B3GALT1: variants seen among roughly 807,000 people sequenced by gnomAD.
The protein encoded by B3GALT1 is beta-1,3-galactosyltransferase 1.
A neutral mutation model predicts 23.2 loss-of-function variants in B3GALT1; 10 were observed. The observed-to-expected ratio is 0.43, with a 90% CI of 0.27 to 0.73. The LOEUF (loss-of-function observed/expected upper bound fraction) is 0.73, where lower values mean the gene tolerates loss of function less well. Among genes scored for constraint, B3GALT1 ranks in the 30% least tolerant of loss-of-function variants. The pLI is 0.21. For synonymous variants in B3GALT1, 156 were observed against 141.5 expected (o/e 1.10, Z -0.73); for missense variants, 299 against 405.4 (o/e 0.74, Z 2.25).
At chr2:167,659,936 C>T (rs746438317) in intron 3 of B3GALT1, among the ~76,000 whole-genome samples, 4 of 151,968 alleles carry the variant, frequency 2.6e-5, no homozygotes, top group African/African-American at 4.8e-5. Flanking sequence ...AGAACTGATT[C>T]GTATTCAATT....
intron 1 of B3GALT1, among the ~76,000 whole-genome samples, chr2:167,343,032 C>T (rs186911031): frequency 1.0e-3 from 158 of 152,304 alleles, no homozygotes; most frequent in African/African-American, 3.5e-3. Context: ...TTGTCCTGCC[C>T]ACTGAATTGA....
intron 2 of B3GALT1, among the ~76,000 whole-genome samples, chr2:167,582,909 A>G (rs1684513986): frequency 6.6e-6 from 1 of 152,172 alleles, no homozygotes; most frequent in Admixed American, 6.5e-5. Context: ...AAGGCAGCCC[A>G]AGACCTCACA....
intron 2 of B3GALT1, among the ~76,000 whole-genome samples, chr2:167,528,935 ACTC>A (rs1683271172): frequency 6.6e-6 from 1 of 150,544 alleles, no homozygotes. Context: ...TAATAGTAAA[ACTC>A]CTCTAGAGCT....
In B3GALT1 at chr2:167,870,268, G is replaced by C. The variant is rs756659945; in HGVS notation, c.*248G>C. ...AGAGCATTGCTATTTATCTCAAAAA[G>C]TGACTTCCAAACAACTCTTAGGATT... is the stretch of plus-strand genomic sequence containing the variant. On this transcript the variant is annotated 3_prime_UTR_variant, in exon 5 of 5. Coordinates refer to ENST00000392690, the MANE Select transcript of B3GALT1 (RefSeq NM_020981.4). The C allele has an allele frequency of 1.4e-5, 5 of 370,188 alleles. No individual in the cohort carries two copies. The highest frequency in any genetic ancestry group is 4.2e-5 in the Admixed American group (1 of 23,878). 22.9% of individuals were successfully genotyped at this position (370,188 alleles called of 1,614,324 possible).
At chr2:167,424,550 T>G (rs1353639081) in intron 1 of B3GALT1, among the ~76,000 whole-genome samples, 1 of 151,472 alleles carries the variant, frequency 6.6e-6, no homozygotes, top group East Asian at 1.9e-4. Flanking sequence ...TCTACATTAG[T>G]GTGTGTGTGT....
At chr2:167,321,174 A>G (rs1424399196) in intron 1 of B3GALT1, among the ~76,000 whole-genome samples, 3 of 152,032 alleles carry the variant, frequency 2.0e-5, no homozygotes, top group Admixed American at 6.6e-5. Flanking sequence ...ATCTATTAAT[A>G]TTTATTATAC....
At chr2:167,669,860 A>G (rs994996082) in intron 3 of B3GALT1, among the ~76,000 whole-genome samples, 4 of 152,048 alleles carry the variant, frequency 2.6e-5, no homozygotes, top group African/African-American at 9.7e-5. Flanking sequence ...CCAATTTCTC[A>G]CCCCACCCAG....
intron 2 of B3GALT1, among the ~76,000 whole-genome samples, chr2:167,560,939 C>G (rs1271596606): frequency 6.6e-6 from 1 of 151,820 alleles, no homozygotes; most frequent in Non-Finnish European, 1.5e-5. Context: ...TTGAACTCAG[C>G]TCTGCACCAA....
rs146564912 is a variant in B3GALT1, at chr2:167,789,596, C to A, written c.-351-29076C>A. 1.7e-3 allele frequency among the ~76,000 whole-genome samples: 255 copies of A among 151,178 alleles called. 2 individuals are homozygous for A. The highest frequency in any genetic ancestry group is 6.0e-3 in the African/African-American group (245 of 40,794). Reference sequence around the variant, plus strand: ...TATTATTGAAAGGATGTTGCCACAGCAAACTGCTGTGTTCATTATTGAGGT... The same window carrying A: ...TATTATTGAAAGGATGTTGCCACAGAAAACTGCTGTGTTCATTATTGAGGT... On this transcript the variant is annotated intron_variant, in intron 3 of 4. Coordinates refer to ENST00000392690, the MANE Select transcript of B3GALT1 (RefSeq NM_020981.4).
intron 3 of B3GALT1, among the ~76,000 whole-genome samples, chr2:167,677,190 G>C (rs762403960): frequency 7.2e-5 from 11 of 152,136 alleles, no homozygotes; most frequent in Non-Finnish European, 1.5e-4. Context: ...AGTGTATTCA[G>C]AATTTTTGTG....
intron 1 of B3GALT1, among the ~76,000 whole-genome samples, chr2:167,480,620 C>T (rs1406127775): frequency 2.0e-5 from 3 of 152,128 alleles, no homozygotes; most frequent in African/African-American, 4.8e-5. Context: ...AACAAACAAA[C>T]GAAACCACCA....
At chr2:167,773,146 A>G (rs977001380) in intron 3 of B3GALT1, among the ~76,000 whole-genome samples, 1 of 152,222 alleles carries the variant, frequency 6.6e-6, no homozygotes, top group Admixed American at 6.5e-5. Flanking sequence ...TTGAGAATTT[A>G]TTAATCTACT....
chr2:167,843,524 G>A (rs568569586), intron 4 of B3GALT1, among the ~76,000 whole-genome samples: 23 of 152,292 alleles, frequency 1.5e-4, no homozygotes, highest in African/African-American at 5.1e-4. Context: ...AATAACTGCC[G>A]CTATGGTGCT....
intron 3 of B3GALT1, among the ~76,000 whole-genome samples, chr2:167,804,897 G>A (rs1260971862): frequency 8.5e-5 from 13 of 152,108 alleles, no homozygotes; most frequent in African/African-American, 9.7e-5. Context: ...CTGAGGAATC[G>A]CCACACTGAC....
intron 3 of B3GALT1, among the ~76,000 whole-genome samples, chr2:167,774,970 G>A (rs1381921280): frequency 6.6e-6 from 1 of 152,168 alleles, no homozygotes; most frequent in East Asian, 1.9e-4. Context: ...AAATGGTAAT[G>A]TTTAATGCTG....
chr2:167,468,666 G>A (rs139486574), intron 1 of B3GALT1, among the ~76,000 whole-genome samples: 187 of 152,220 alleles, frequency 1.2e-3, no homozygotes, highest in Admixed American at 2.4e-3. Context: ...GAGGTCAGGC[G>A]TTCAAGACCA....
chr2:167,734,761 A>G (rs753521157), intron 3 of B3GALT1, among the ~76,000 whole-genome samples: 6 of 152,200 alleles, frequency 3.9e-5, no homozygotes, highest in South Asian at 2.1e-4. Context: ...TTGATAATGT[A>G]AAGGGGAGAC....
chr2:167,512,693 G>T (rs1464610955), intron 2 of B3GALT1, among the ~76,000 whole-genome samples: 6 of 145,336 alleles, frequency 4.1e-5, no homozygotes, highest in Non-Finnish European at 7.5e-5. Context: ...TTGGAGTGCA[G>T]TGATGCCATC....
At chr2:167,311,765 G>A (rs1328655305) in intron 1 of B3GALT1, among the ~76,000 whole-genome samples, 3 of 151,900 alleles carry the variant, frequency 2.0e-5, no homozygotes, top group Non-Finnish European at 4.4e-5. Context: ...AGAGATCAGC[G>A]AGCTGTAACT....
Sources: allele counts gnomAD v4.1 joint callset (sites outside exome capture counted in the v4.1 genomes callset), GRCh38; gene constraint gnomAD v4.1.1; transcripts MANE v1.5; gene names NCBI Gene and HGNC (gene_info 2026-07-23, HGNC 2026-07-21).